The following NBEA variants were observed in gnomAD, a reference collection of about 807,000 sequenced individuals.
NBEA encodes lysosomal-trafficking regulator 2.
Under a neutral mutation model 343.4 loss-of-function variants are expected in NBEA, and 44 were observed. The ratio of observed to expected loss-of-function variants is 0.13; its 90% CI spans 0.10 to 0.16. The LOEUF (loss-of-function observed/expected upper bound fraction) is 0.16, where lower values mean the gene tolerates loss of function less well. NBEA is among the 10% of genes least tolerant of loss of function. NBEA has a pLI of 1.00. For synonymous variants in NBEA, 1,175 were observed against 1,238.7 expected (o/e 0.95, Z 1.08); for missense variants, 2,555 against 3,631.3 (o/e 0.70, Z 7.62).
At chr13:35,218,385 ATTAT>A (rs2074180940) in intron 33 of NBEA, among the ~76,000 whole-genome samples, 1 of 151,934 alleles carries the variant, frequency 6.6e-6, no homozygotes, top group Non-Finnish European at 1.5e-5. Context: ...ATTATTCCTA[ATTAT>A]TTTTCTATAG....
At chr13:35,015,106 C>T (rs1249387825) in intron 1 of NBEA, among the ~76,000 whole-genome samples, 1 of 108,130 alleles carries the variant, frequency 9.2e-6, no homozygotes, top group African/African-American at 3.6e-5. Flanking sequence ...CCTCCCTTCT[C>T]AACAAAAAGC....
At chr13:35,525,978 C>T (rs1354177295) in intron 41 of NBEA, among the ~76,000 whole-genome samples, 1 of 152,158 alleles carries the variant, frequency 6.6e-6, no homozygotes, top group Non-Finnish European at 1.5e-5. Flanking sequence ...GAGACACGAA[C>T]GTTCGGACCA....
intron 31 of NBEA, 98 bp from the exon 32 acceptor site, chr13:35,208,602 G>A: frequency 1.8e-6 from 2 of 1,083,706 alleles, no homozygotes; most frequent in Non-Finnish European, 2.5e-6. Context: ...AAGAAGAGAG[G>A]GAGAAATTCG....
intron 8 of NBEA, among the ~76,000 whole-genome samples, chr13:35,060,537 G>A (rs1221535526): frequency 1.3e-5 from 2 of 151,582 alleles, no homozygotes; most frequent in Non-Finnish European, 3.0e-5. Context: ...TGTAAATTTG[G>A]GCATTACATC....
chr13:35,149,253 G>C (rs2068623600), intron 18 of NBEA, among the ~76,000 whole-genome samples: 1 of 152,076 alleles, frequency 6.6e-6, no homozygotes, highest in Non-Finnish European at 1.5e-5. Context: ...GTATAATGAG[G>C]TCATTTTCTT....
chr13:35,472,374 T>G, intron 40 of NBEA, 26 bp from the exon 41 acceptor site: 1 of 1,607,570 alleles, frequency 6.2e-7, no homozygotes, highest in Non-Finnish European at 8.5e-7. Context: ...GGGCTCAGCC[T>G]GACTCCCCTT....
intron 34 of NBEA, among the ~76,000 whole-genome samples, chr13:35,244,278 TCA>T (rs1354689920): frequency 3.3e-5 from 5 of 151,778 alleles, no homozygotes; most frequent in South Asian, 2.1e-4. Context: ...TATAAAAAAA[TCA>T]ATATTTTTTT....
At chr13:35,088,756 A>T (rs532015617) in intron 10 of NBEA, among the ~76,000 whole-genome samples, 255 of 151,448 alleles carry the variant, frequency 1.7e-3, no homozygotes, top group African/African-American at 6.1e-3. Context: ...ATAACGCTGC[A>T]TATCTACAAC....
At chr13:35,162,835 G>A (rs2069674183) in intron 23 of NBEA, among the ~76,000 whole-genome samples, 1 of 152,068 alleles carries the variant, frequency 6.6e-6, no homozygotes, top group African/African-American at 2.4e-5. Context: ...TATAAAATGT[G>A]TGTTAGCAGG....
chr13:35,504,726 G>A (rs956220784), intron 41 of NBEA, among the ~76,000 whole-genome samples: 1 of 151,922 alleles, frequency 6.6e-6, no homozygotes, highest in Admixed American at 6.6e-5. Flanking sequence ...TTGACCTCCT[G>A]GGATCAATCA....
intron 1 of NBEA, among the ~76,000 whole-genome samples, chr13:34,979,071 T>C (rs1405076876): frequency 6.6e-6 from 1 of 152,190 alleles, no homozygotes; most frequent in Non-Finnish European, 1.5e-5. Context: ...ATTTTGTATT[T>C]TCAACAATGT....
intron 39 of NBEA, among the ~76,000 whole-genome samples, chr13:35,444,204 G>C (rs1307453323): frequency 6.6e-6 from 1 of 151,814 alleles, no homozygotes; most frequent in East Asian, 1.9e-4. Context: ...GTAATAGATT[G>C]ATTCATACAT....
chr13:35,033,349 G>A (rs2062311446), intron 1 of NBEA, among the ~76,000 whole-genome samples: 1 of 151,726 alleles, frequency 6.6e-6, no homozygotes, highest in South Asian at 2.1e-4. Context: ...TCTCTATTTT[G>A]TTACATTGGT....
At chr13:35,387,093 C>T (rs1026222635) in intron 38 of NBEA, among the ~76,000 whole-genome samples, 1 of 152,058 alleles carries the variant, frequency 6.6e-6, no homozygotes, top group Non-Finnish European at 1.5e-5. Flanking sequence ...AAGTAGTTGT[C>T]AAATTGACAT....
intron 38 of NBEA, among the ~76,000 whole-genome samples, chr13:35,372,010 A>G (rs1431730552): frequency 6.6e-6 from 1 of 152,170 alleles, no homozygotes; most frequent in Non-Finnish European, 1.5e-5. Context: ...ATGGTGGGCC[A>G]AGTCTGCCTG....
intron 49 of NBEA, among the ~76,000 whole-genome samples, chr13:35,641,610 A>G (rs1593446322): frequency 6.6e-6 from 1 of 152,214 alleles, no homozygotes; most frequent in East Asian, 1.9e-4. Context: ...CAAAAATTCA[A>G]GAATAAAAAA....
chr13:35,058,686 A>G (rs1417373736), intron 7 of NBEA, 31 bp from the exon 8 acceptor site: 2 of 1,527,860 alleles, frequency 1.3e-6, no homozygotes, highest in Admixed American at 2.0e-5. Context: ...ATTAAAAATA[A>G]TGCATTTTTC....
At chr13:35,252,055 A>G (rs1189689341) in intron 34 of NBEA, among the ~76,000 whole-genome samples, 2 of 152,180 alleles carry the variant, frequency 1.3e-5, no homozygotes, top group Admixed American at 6.5e-5. Flanking sequence ...CCACTTCTGT[A>G]TTAGTCCATT....
intron 18 of NBEA, among the ~76,000 whole-genome samples, chr13:35,154,658 G>C (rs1246401801): frequency 6.6e-6 from 1 of 152,130 alleles, no homozygotes; most frequent in Non-Finnish European, 1.5e-5. Context: ...CAGTGAAGAT[G>C]ATGTTCAAAA....
Sources: allele counts gnomAD v4.1 joint callset (sites outside exome capture counted in the v4.1 genomes callset), GRCh38; gene constraint gnomAD v4.1.1; transcripts MANE v1.5; gene names NCBI Gene and HGNC (gene_info 2026-07-23, HGNC 2026-07-21).